The following RBFOX1 variants were observed in gnomAD, a reference collection of about 807,000 sequenced individuals.
The protein encoded by RBFOX1 is RNA binding fox-1 homolog 1, also known as RNA binding protein fox-1 homolog 1.
Under a neutral mutation model 57.7 loss-of-function variants are expected in RBFOX1, and 8 were observed. The ratio of observed to expected loss-of-function variants is 0.14; its 90% CI spans 0.08 to 0.25. The LOEUF (loss-of-function observed/expected upper bound fraction) is 0.25, where lower values mean the gene tolerates loss of function less well. Ranked by LOEUF, RBFOX1 falls within the 10% of genes least tolerant of loss-of-function variation. The probability of loss-of-function intolerance (pLI) is 1.00; values close to 1 mark genes in which losing one functional copy is unlikely to be tolerated. For synonymous variants in RBFOX1, 326 were observed against 222.4 expected, an observed-to-expected ratio of 1.47 and a Z score of -4.15; for missense variants, 611 against 548.5, an observed-to-expected ratio of 1.11 and a Z score of -1.14.
At position 5,475,053 on chromosome 16, in the gene RBFOX1, C is replaced by G. The variant is rs576723859; in HGVS notation, c.258+7799C>G. Among the ~76,000 whole-genome samples the G allele has an allele frequency of 5.9e-5, 9 of 152,180 alleles. No individual in the cohort carries two copies. In the East Asian group the frequency reaches 1.2e-3, roughly 20 times the overall value. ...GCTACCCTTCATTTTGTAAGATTTCCTTTTGTTGTAGGTGTCTCTTGGAAG... is the reference window on the plus strand; with the variant it reads ...GCTACCCTTCATTTTGTAAGATTTCGTTTTGTTGTAGGTGTCTCTTGGAAG... On this transcript the variant is annotated intron_variant, in intron 2 of 2. Coordinates refer to the RBFOX1 transcript ENST00000585867.
At chr16:6,770,345 A>G (rs1224563311) in intron 3 of RBFOX1, among the ~76,000 whole-genome samples, 2 of 152,180 alleles carry the variant, frequency 1.3e-5, no homozygotes, top group African/African-American at 4.8e-5. Flanking sequence ...GCAACAGGGC[A>G]GGGGTTGGAA....
At chr16:7,285,848 G>C (rs1048758521) in intron 4 of RBFOX1, among the ~76,000 whole-genome samples, 2 of 152,198 alleles carry the variant, frequency 1.3e-5, no homozygotes, top group Non-Finnish European at 2.9e-5. Context: ...AAATCTTCAA[G>C]TGCAGGGTTT....
intron 4 of RBFOX1, among the ~76,000 whole-genome samples, chr16:7,365,948 G>A (rs1015822909): frequency 2.0e-5 from 3 of 152,140 alleles, no homozygotes; most frequent in Non-Finnish European, 4.4e-5. Flanking sequence ...CACATGGTGG[G>A]AAGTATGGCT....
intron 2 of RBFOX1, among the ~76,000 whole-genome samples, chr16:6,344,545 C>G (rs571555216): frequency 1.3e-5 from 2 of 149,954 alleles, no homozygotes; most frequent in African/African-American, 4.9e-5. Flanking sequence ...CTATAGGTAC[C>G]CACCACTGCG....
chr16:5,909,042 C>A (rs1280464990), intron 4 of RBFOX1, among the ~76,000 whole-genome samples: 1 of 149,842 alleles, frequency 6.7e-6, no homozygotes, highest in Non-Finnish European at 1.5e-5. Context: ...GTATAAACCA[C>A]TTAGTTCATG....
intron 3 of RBFOX1, among the ~76,000 whole-genome samples, chr16:6,928,559 C>G (rs1161148535): frequency 6.6e-6 from 1 of 152,058 alleles, no homozygotes; most frequent in Non-Finnish European, 1.5e-5. Flanking sequence ...CTTGTTGGCC[C>G]AAGGAAATTA....
At chr16:7,031,336 C>T (rs887280108) in intron 3 of RBFOX1, among the ~76,000 whole-genome samples, 3 of 152,130 alleles carry the variant, frequency 2.0e-5, no homozygotes, top group African/African-American at 7.2e-5. Flanking sequence ...TGGCTCATAC[C>T]TGTAATCTCA....
At chr16:6,596,288 C>G (rs903042030) in intron 2 of RBFOX1, among the ~76,000 whole-genome samples, 7 of 152,046 alleles carry the variant, frequency 4.6e-5, no homozygotes, top group African/African-American at 1.4e-4. Flanking sequence ...TTAAATTTTG[C>G]ATGTGGTGAG....
intron 1 of RBFOX1, among the ~76,000 whole-genome samples, chr16:6,198,148 T>G (rs1027297902): frequency 3.3e-5 from 5 of 152,064 alleles, no homozygotes; most frequent in African/African-American, 4.8e-5. Flanking sequence ...GGGTGACAGG[T>G]GAGTTCTCAT....
At chr16:7,458,506 A>C (rs1018910677) in intron 4 of RBFOX1, among the ~76,000 whole-genome samples, 2 of 152,194 alleles carry the variant, frequency 1.3e-5, no homozygotes, top group South Asian at 2.1e-4. Flanking sequence ...ATTTTATTTT[A>C]CTGTTGCTTA....
chr16:6,352,953 T>C (rs1173246107), intron 2 of RBFOX1, among the ~76,000 whole-genome samples: 2 of 152,136 alleles, frequency 1.3e-5, no homozygotes, highest in Admixed American at 1.3e-4. Context: ...TCATTTGCTT[T>C]GGGGCATGAG....
intron 1 of RBFOX1, among the ~76,000 whole-genome samples, chr16:6,090,638 G>A (rs774391172): frequency 6.6e-6 from 1 of 152,194 alleles, no homozygotes; most frequent in Non-Finnish European, 1.5e-5. Context: ...TTACCATATT[G>A]ATCTTTACTC....
At chr16:7,032,200 G>A (rs762270963) in intron 3 of RBFOX1, among the ~76,000 whole-genome samples, 7 of 152,000 alleles carry the variant, frequency 4.6e-5, no homozygotes, top group Non-Finnish European at 7.4e-5. Flanking sequence ...CAAGGCGGGC[G>A]GATCGCTTGA....
intron 3 of RBFOX1, among the ~76,000 whole-genome samples, chr16:5,862,278 G>T (rs1191704727): frequency 6.6e-6 from 1 of 152,194 alleles, no homozygotes; most frequent in Non-Finnish European, 1.5e-5. Context: ...TTTAAGTTAA[G>T]ATGCACTGAC....
At chr16:6,651,356 T>C (rs62017866) in intron 2 of RBFOX1, among the ~76,000 whole-genome samples, 14,448 of 146,912 alleles carry the variant, frequency 0.098, 910 homozygotes, top group Middle Eastern at 0.18. Flanking sequence ...GACGTCCCAT[T>C]GATTTTATCT....
chr16:5,907,750 T>G (rs1384956207), intron 4 of RBFOX1, among the ~76,000 whole-genome samples: 1 of 149,864 alleles, frequency 6.7e-6, no homozygotes, highest in African/African-American at 2.5e-5. Flanking sequence ...ATCATCATCA[T>G]CATCATCATC....
At chr16:6,965,718 G>A (rs1178024806) in intron 3 of RBFOX1, among the ~76,000 whole-genome samples, 3 of 152,200 alleles carry the variant, frequency 2.0e-5, no homozygotes, top group East Asian at 1.9e-4. Context: ...GATGTGATTG[G>A]CTCCAAATGG....
intron 2 of RBFOX1, among the ~76,000 whole-genome samples, chr16:6,436,698 A>T (rs1315315996): frequency 6.6e-6 from 1 of 152,146 alleles, no homozygotes; most frequent in Non-Finnish European, 1.5e-5. Context: ...TGTAAGTTAC[A>T]TAAGGAAAGC....
At chr16:5,735,909 C>A (rs2052553352) in intron 3 of RBFOX1, among the ~76,000 whole-genome samples, 1 of 152,096 alleles carries the variant, frequency 6.6e-6, no homozygotes, top group East Asian at 1.9e-4. Flanking sequence ...ACAACAACAA[C>A]AAAACAAATA....
Sources: allele counts gnomAD v4.1 joint callset (sites outside exome capture counted in the v4.1 genomes callset), GRCh38; gene constraint gnomAD v4.1.1; transcripts MANE v1.5; gene names NCBI Gene and HGNC (gene_info 2026-07-23, HGNC 2026-07-21).